Variants in RUBCNL observed in about 807,000 individuals in gnomAD.
RUBCNL encodes the protein protein associated with UVRAG as autophagy enhancer.
RUBCNL carries 62 observed loss-of-function variants against 69.5 expected under a neutral mutation model. The observed-to-expected ratio is 0.89, with a 90% CI of 0.73 to 1.10. The LOEUF (loss-of-function observed/expected upper bound fraction) is 1.10, where lower values mean the gene tolerates loss of function less well. Ranked by LOEUF, RUBCNL falls within the 50% of genes least tolerant of loss-of-function variation. RUBCNL has a pLI of 0.00. For missense variants in RUBCNL, 768 were observed against 798.1 expected, an observed-to-expected ratio of 0.96 and a Z score of 0.45; for synonymous variants, 291 against 303.6, an observed-to-expected ratio of 0.96 and a Z score of 0.43.
intron 10 of RUBCNL, among the ~76,000 whole-genome samples, chr13:46,353,245 T>G (rs1434586199): frequency 1.3e-5 from 2 of 152,224 alleles, no homozygotes; most frequent in African/African-American, 2.4e-5. Flanking sequence ...TTATTCATGA[T>G]AGTTATGTTC....
rs1185885071 is a variant in RUBCNL at position 46,336,785 on chromosome 13, C to T, written c.*6600G>A. Among the ~76,000 whole-genome samples the T allele has an allele frequency of 6.6e-6, 1 of 152,010 alleles. No individual in the cohort carries two copies. Among genetic ancestry groups the T allele is most frequent in the East Asian group, 1.9e-4 (1 of 5,196 alleles). ...GCGATGGCAAACATTAAAAACTGTT[C>T]TTTCAAAAATGTTGCTGTGAAGAAG... On this transcript the variant is annotated 3_prime_UTR_variant, in exon 15 of 15. Coordinates refer to ENST00000429979, the MANE Select transcript of RUBCNL (RefSeq NM_025113.5).
rs1377417124 is a variant in RUBCNL, at chr13:46,339,963, GGTTTT to G, written c.*3417_*3421del. Among the ~76,000 whole-genome samples the G allele has an allele frequency of 6.6e-6, 1 of 151,942 alleles. No individual in the cohort carries two copies. Among genetic ancestry groups the G allele is most frequent in the African/African-American group, 2.4e-5 (1 of 41,374 alleles). ...TGAAATCAAGGGGTCAGCCATGTTGGGTTTTTTTTTTAAGGCTCTGAGGAAGAATC... is the reference window on the plus strand; with the variant it reads ...TGAAATCAAGGGGTCAGCCATGTTGGTTTTTTAAGGCTCTGAGGAAGAATC... On this transcript the variant is annotated 3_prime_UTR_variant, in exon 15 of 15. Coordinates refer to ENST00000429979, the MANE Select transcript of RUBCNL (RefSeq NM_025113.5).
chr13:46,357,332 C>G (rs1030197450), intron 9 of RUBCNL, among the ~76,000 whole-genome samples: 8 of 53,302 alleles, frequency 1.5e-4, no homozygotes, highest in Non-Finnish European at 3.7e-5. Context: ...GACTCCGTCT[C>G]AAAAAAAAAA....
intron 7 of RUBCNL, among the ~76,000 whole-genome samples, chr13:46,361,837 T>A (rs2048618154): frequency 6.6e-6 from 1 of 152,178 alleles, no homozygotes; most frequent in South Asian, 2.1e-4. Context: ...AAGACCTGCA[T>A]TCAAGCCCTA....
intron 8 of RUBCNL, among the ~76,000 whole-genome samples, chr13:46,361,180 G>A (rs2048601824): frequency 3.3e-5 from 5 of 152,186 alleles, no homozygotes; most frequent in Admixed American, 1.3e-4. Context: ...AGCTGAGATT[G>A]CGCCACTGCA....
At chr13:46,358,707 A>G (rs943320584) in intron 9 of RUBCNL, among the ~76,000 whole-genome samples, 1 of 151,912 alleles carries the variant, frequency 6.6e-6, no homozygotes, top group African/African-American at 2.4e-5. Context: ...GGCTGCACCC[A>G]CCACACCTAG....
chr13:46,371,975 A>C lies in RUBCNL; in HGVS notation c.501T>G (p.Phe167Leu). 6.2e-7 allele frequency: 1 copy of C among 1,613,834 alleles called. No individual in the cohort carries two copies. Among genetic ancestry groups the C allele is most frequent in the Non-Finnish European group, 8.5e-7 (1 of 1,179,776 alleles). The change falls in exon 3 of 15, where the codon TTT becomes TTG. Residue 167 changes from phenylalanine to leucine, a missense_variant. Coordinates refer to ENST00000429979, the MANE Select transcript of RUBCNL (RefSeq NM_025113.5). ...SPYPETDSAF[F>L]EPSHLTSAAD... is the part of the protein sequence containing the mutation. ...CAGCAGATGTCAGATGGGAAGGCTC[A>C]AAAAAAGCACTGTCAGTCTCAGGAT...
rs1566082059 is a variant in RUBCNL at position 46,368,085 on chromosome 13, CTT to C, written c.781_782del (p.Lys261AlafsTer14). On this transcript the variant is annotated frameshift_variant, in exon 5 of 15. Transcript: ENST00000429979. LOFTEE classifies it high-confidence loss of function. ...DSEMTFDTNI[K>X]QESGSSTSSY... Reference sequence around the variant, plus strand: ...AAGAAGTAGAAGACCCAGACTCTTGCTTTATGTTGGTATCAAAAGTCATTTCA... The same window carrying C: ...AAGAAGTAGAAGACCCAGACTCTTGCTATGTTGGTATCAAAAGTCATTTCA... The C allele has an allele frequency of 6.2e-7, 1 of 1,613,950 alleles. No individual in the cohort carries two copies.
Position 46,349,243 on chromosome 13 carries a change from G to C in RUBCNL, c.1631+43C>G, listed in dbSNP as rs887673835. 1.9e-6 allele frequency: 3 copies of C among 1,562,938 alleles called. No homozygotes were observed. The African/African-American group carries it at 4.1e-5, about 21-fold the overall frequency. On this transcript the variant is annotated intron_variant, in intron 12 of 14. Transcript: ENST00000429979. Reference sequence around the variant, plus strand: ...GCAGGAGGCACTAATAGGATTAGCAGATGTATGGAGGGAAGGCAGCCTGTC... The same window carrying C: ...GCAGGAGGCACTAATAGGATTAGCACATGTATGGAGGGAAGGCAGCCTGTC...
chr13:46,375,940 T>C (rs560261598), intron 2 of RUBCNL, among the ~76,000 whole-genome samples: 2 of 152,346 alleles, frequency 1.3e-5, no homozygotes, highest in African/African-American at 2.4e-5. Context: ...CTCTCTTCAG[T>C]CTACTCAGCA....
rs190988014 is a variant in RUBCNL at position 46,358,714 on chromosome 13, C to G, written c.1265+772G>C. 6.3e-3 allele frequency among the ~76,000 whole-genome samples: 963 copies of G among 152,130 alleles called. 10 individuals are homozygous for G. The highest frequency in any genetic ancestry group is 0.045 in the Middle Eastern group (13 of 292). ...GATTAGAGGGCTGCACCCACCACAC[C>G]TAGTTTATTTTTGTATTTTTAGTAG... On this transcript the variant is annotated intron_variant, in intron 9 of 14. Transcript: ENST00000429979.
chr13:46,359,504 T>C lies in RUBCNL; in HGVS notation c.1247A>G (p.Asn416Ser), dbSNP rs768735734. 20 of 1,601,770 alleles carry C rather than the reference T, an allele frequency of 1.2e-5. No individual in the cohort carries two copies. Among genetic ancestry groups the C allele is most frequent in the Non-Finnish European group, 1.5e-5 (18 of 1,173,888 alleles). ...TACTTACTTGAGTGGTGGATGAATA[T>C]TAAATATGATTTGAAATCTAGGAGG... ...WAPPRFQIIF[N>S]IHPPLKRDLV... is the part of the protein sequence containing the mutation. Residue 416 changes from asparagine (N) to serine (S), a missense_variant, in exon 9 of 15, where the codon AAT (asparagine) becomes AGT (serine). Asn to Ser is a conservative substitution (Grantham distance 46). Coordinates refer to ENST00000429979, the MANE Select transcript of RUBCNL (RefSeq NM_025113.5).
chr13:46,347,974 CAGA>C (rs2048285366), intron 12 of RUBCNL, among the ~76,000 whole-genome samples: 1 of 152,024 alleles, frequency 6.6e-6, no homozygotes, highest in African/African-American at 2.4e-5. Flanking sequence ...GCCTGGGCGA[CAGA>C]AGGAGACTCC....
intron 2 of RUBCNL, among the ~76,000 whole-genome samples, chr13:46,372,934 T>A (rs1026066990): frequency 6.6e-6 from 1 of 151,966 alleles, no homozygotes; most frequent in East Asian, 1.9e-4. Context: ...AAGACAGGAA[T>A]ACTATCTGGA....
intron 3 of RUBCNL, among the ~76,000 whole-genome samples, chr13:46,369,717 C>G (rs2048837090): frequency 6.6e-6 from 1 of 152,250 alleles, no homozygotes; most frequent in Non-Finnish European, 1.5e-5. Context: ...TGATTTCTTA[C>G]TGCAGCATTT....
At chr13:46,366,186 T>C (rs1024707540) in intron 5 of RUBCNL, among the ~76,000 whole-genome samples, 10 of 152,214 alleles carry the variant, frequency 6.6e-5, no homozygotes, top group Non-Finnish European at 1.3e-4. Flanking sequence ...CGATCGTCCA[T>C]ATCAGATTTC....
intron 1 of RUBCNL, among the ~76,000 whole-genome samples, chr13:46,381,372 C>CATAT (rs748468393): frequency 3.3e-5 from 5 of 149,518 alleles, no homozygotes; most frequent in South Asian, 4.2e-4. Context: ...AAAGACATTT[C>CATAT]ATATATATAT....
At chr13:46,351,139 C>T (rs2761947) in intron 10 of RUBCNL, 19,336 of 151,752 alleles carry the variant, frequency 0.13, 1,340 homozygotes, top group African/African-American at 0.14. Flanking sequence ...GTGGTGTGTG[C>T]CTGTGGTCCT....
chr13:46,362,218 CAA>C (rs1439528162), intron 7 of RUBCNL, among the ~76,000 whole-genome samples: 1 of 152,052 alleles, frequency 6.6e-6, no homozygotes, highest in Non-Finnish European at 1.5e-5. Context: ...CCCTGGGTGA[CAA>C]GAGCAAAACT....
Sources: gnomAD v4.1 joint callset for allele counts (sites outside exome capture counted in the v4.1 genomes callset) on GRCh38, gnomAD v4.1.1 for gene constraint, MANE v1.5 for transcripts, NCBI Gene and HGNC (gene_info 2026-07-23, HGNC 2026-07-21) for gene names.